The following FTMT variants were observed in gnomAD, a reference collection of about 807,000 sequenced individuals.
FTMT encodes ferritin, mitochondrial.
In FTMT, 5 loss-of-function variants were observed where a neutral mutation model predicts 4.9. That is an observed-to-expected ratio of 1.03 (90% CI 0.54 to 2.16). The LOEUF is 2.16. Among genes scored for constraint, FTMT ranks in the 30% most tolerant of loss-of-function variants. The pLI is 0.01. For missense variants in FTMT, 393 were observed against 323.0 expected (o/e 1.22, Z -1.66); for synonymous variants, 174 against 143.6 (o/e 1.21, Z -1.51).
rs1750056965 is a variant in FTMT, at chr5:121,852,080, C to T, written c.117C>T (p.Asp39=). 2 of 1,588,268 alleles carry T rather than the reference C, an allele frequency of 1.3e-6. No homozygotes were observed. Among genetic ancestry groups the T allele is most frequent in the African/African-American group, 1.3e-5 (1 of 74,088 alleles). Residue 39 remains aspartate, a synonymous_variant, in exon 1 of 1, where the codon GAC becomes GAT. Transcript: ENST00000321339. ...PLRWAPGRPL[D]PRQIAPRRPL... Reference sequence around the variant, plus strand: ...GTTGGGCCCCGGGGCGCCCCTTGGACCCCAGGCAGATCGCCCCCCGCCGCC... The same window carrying T: ...GTTGGGCCCCGGGGCGCCCCTTGGATCCCAGGCAGATCGCCCCCCGCCGCC...
In FTMT at chr5:121,852,208, G is replaced by T; in HGVS notation, c.245G>T (p.Arg82Leu). The change falls in exon 1 of 1, where the codon CGC becomes CTC. Residue 82 changes from arginine to leucine, a missense_variant. By Grantham distance (102) the Arg-to-Leu change is moderately radical. Transcript: ENST00000321339. ...CCCGACTCCGAGGCTGCCATCAACCGCCAGATCAACCTCGAGCTCTATGCG... is the reference window on the plus strand; with the variant it reads ...CCCGACTCCGAGGCTGCCATCAACCTCCAGATCAACCTCGAGCTCTATGCG... Reference protein sequence around the residue: ...FHPDSEAAINRQINLELYASY... With the variant: ...FHPDSEAAINLQINLELYASY... 6.2e-7 allele frequency: 1 copy of T among 1,614,060 alleles called. No individual in the cohort carries two copies. Among genetic ancestry groups the T allele is most frequent in the Non-Finnish European group, 8.5e-7 (1 of 1,179,968 alleles).
Position 121,852,075 on chromosome 5 carries a change from T to G in FTMT, c.112T>G (p.Leu38Val). 1 of 1,589,214 alleles carries G rather than the reference T, an allele frequency of 6.3e-7. No homozygotes were observed. Among genetic ancestry groups the G allele is most frequent in the Non-Finnish European group, 8.5e-7 (1 of 1,173,034 alleles). Residue 38 changes from leucine to valine, a missense_variant, in exon 1 of 1, where the codon TTG becomes GTG. Physicochemically the swap from Leu to Val is conservative, Grantham distance 32 (BLOSUM62 1). Transcript: ENST00000321339. ...LPLRWAPGRP[L>V]DPRQIAPRRP... ...GCTGCGTTGGGCCCCGGGGCGCCCC[T>G]TGGACCCCAGGCAGATCGCCCCCCG...
Position 121,851,927 on chromosome 5 carries a change from C to T in FTMT, c.-37C>T. On this transcript the variant is annotated 5_prime_UTR_variant, in exon 1 of 1. Transcript: ENST00000321339. ...GCGCCCGACCCCACGCCAAGAGGGC[C>T]GGGCCTCAGTTTCCCCACTTCCAAG... The T allele has an allele frequency of 1.9e-6, 3 of 1,544,900 alleles. No homozygotes were observed. Among genetic ancestry groups the T allele is most frequent in the African/African-American group, 1.4e-5 (1 of 70,360 alleles).
Position 121,852,704 on chromosome 5 carries a change from C to T in FTMT, c.*12C>T. ...ACAAGCAGAACTAAGCCACGAGCTG[C>T]CTTCCTCCCAGGCTAGTGGATCCAA... On this transcript the variant is annotated 3_prime_UTR_variant, in exon 1 of 1. Transcript: ENST00000321339. 1 of 1,604,772 alleles carries T rather than the reference C, an allele frequency of 6.2e-7. No individual in the cohort carries two copies. The highest frequency in any genetic ancestry group is 8.5e-7 in the Non-Finnish European group (1 of 1,174,524).
chr5:121,852,100 G>T lies in FTMT; in HGVS notation c.137G>T (p.Arg46Leu). 2 of 1,559,300 alleles carry T rather than the reference G, an allele frequency of 1.3e-6. No homozygotes were observed. The highest frequency in any genetic ancestry group is 8.6e-7 in the Non-Finnish European group (1 of 1,157,468). ...TTGGACCCCAGGCAGATCGCCCCCC[G>T]CCGCCCCCTGGCCGCAGCCGCCTCC... ...RPLDPRQIAP[R>L]RPLAAAASSR... The change falls in exon 1 of 1, where the codon CGC becomes CTC. Residue 46 changes from arginine (R) to leucine (L), a missense_variant. Coordinates refer to ENST00000321339, the MANE Select transcript of FTMT (RefSeq NM_177478.2).
At position 121,852,105 on chromosome 5, in the gene FTMT, C is replaced by T. The variant is rs748280112; in HGVS notation, c.142C>T (p.Pro48Ser). The change falls in exon 1 of 1, where the codon CCC (proline) becomes TCC (serine). Residue 48 changes from proline (P) to serine (S), a missense_variant. Coordinates refer to ENST00000321339, the MANE Select transcript of FTMT (RefSeq NM_177478.2). ...LDPRQIAPRR[P>S]LAAAASSRDP... ...CCCCAGGCAGATCGCCCCCCGCCGC[C>T]CCCTGGCCGCAGCCGCCTCCTCCCG... is the stretch of plus-strand genomic sequence containing the variant. 15 of 1,580,344 alleles carry T rather than the reference C, an allele frequency of 9.5e-6. No individual in the cohort carries two copies. The Admixed American group carries it at 2.2e-4, about 23-fold the overall frequency.
chr5:121,852,033 T>A lies in FTMT; in HGVS notation c.70T>A (p.Cys24Ser), dbSNP rs912157187. 1.3e-6 allele frequency: 2 copies of A among 1,593,658 alleles called. No homozygotes were observed. The highest frequency in any genetic ancestry group is 2.7e-5 in the African/African-American group (2 of 72,870). Residue 24 changes from cysteine to serine, a missense_variant, in exon 1 of 1, where the codon TGC (cysteine) becomes AGC (serine). Transcript: ENST00000321339. ...PSLASLRPVR[C>S]CFALPLRWAP... is the part of the protein sequence containing the mutation. ...GCTGGCGTCTCTGCGCCCGGTGCGCTGCTGCTTCGCGCTCCCGCTGCGTTG... is the reference window on the plus strand; with the variant it reads ...GCTGGCGTCTCTGCGCCCGGTGCGCAGCTGCTTCGCGCTCCCGCTGCGTTG...
Position 121,852,422 on chromosome 5 carries a change from G to C in FTMT, c.459G>C (p.Trp153Cys). The change falls in exon 1 of 1, where the codon TGG becomes TGC. Residue 153 changes from tryptophan (W) to cysteine (C), a missense_variant. Physicochemically the swap from Trp to Cys is radical, Grantham distance 215. Coordinates refer to ENST00000321339, the MANE Select transcript of FTMT (RefSeq NM_177478.2). The stretch of plus-strand genomic sequence containing the variant: ...TCAAGAAGCCGGAACAGGACGACTG[G>C]GAAAGCGGGCTGCATGCCATGGAGT... ...QDIKKPEQDD[W>C]ESGLHAMECA... 1 of 1,614,170 alleles carries C rather than the reference G, an allele frequency of 6.2e-7. No individual in the cohort carries two copies. Among genetic ancestry groups the C allele is most frequent in the Non-Finnish European group, 8.5e-7 (1 of 1,180,024 alleles).
Position 121,851,926 on chromosome 5 carries a change from C to G in FTMT, c.-38C>G. 1.9e-6 allele frequency: 3 copies of G among 1,544,148 alleles called. No homozygotes were observed. The highest frequency in any genetic ancestry group is 2.4e-5 in the South Asian group (2 of 84,982). On this transcript the variant is annotated 5_prime_UTR_variant, in exon 1 of 1. Transcript: ENST00000321339. ...AGCGCCCGACCCCACGCCAAGAGGG[C>G]CGGGCCTCAGTTTCCCCACTTCCAA...
rs1270133886 is a variant in FTMT, at chr5:121,852,332, C to A, written c.369C>A (p.Thr123=). 5.6e-6 allele frequency: 9 copies of A among 1,614,144 alleles called. No individual in the cohort carries two copies. The highest frequency in any genetic ancestry group is 1.7e-5 in the Admixed American group (1 of 60,014). The part of the protein sequence containing the change: ...RYFLHQSREE[T]EHAEKLMRLQ... ...TCCTTCACCAGTCCCGGGAGGAGAC[C>A]GAGCACGCGGAGAAGCTGATGAGGC... Residue 123 remains threonine (T), a synonymous_variant, in exon 1 of 1, where the codon ACC becomes ACA. Transcript: ENST00000321339.
In FTMT at chr5:121,852,287, G is replaced by A; in HGVS notation, c.324G>A (p.Leu108=). 1.2e-6 allele frequency: 2 copies of A among 1,614,160 alleles called. No individual in the cohort carries two copies. The highest frequency in any genetic ancestry group is 1.7e-6 in the Non-Finnish European group (2 of 1,180,030). The change falls in exon 1 of 1, where the codon TTG becomes TTA. Residue 108 remains leucine (L), a synonymous_variant. Transcript: ENST00000321339. Reference sequence around the variant, plus strand: ...ACTTCTCCCGGGATGACGTGGCCTTGAACAACTTCTCCAGGTATTTCCTTC... The same window carrying A: ...ACTTCTCCCGGGATGACGTGGCCTTAAACAACTTCTCCAGGTATTTCCTTC... The part of the protein sequence containing the change: ...AYYFSRDDVA[L]NNFSRYFLHQ...
rs1750061362 is a variant in FTMT at position 121,852,163 on chromosome 5, G to A, written c.200G>A (p.Arg67Gln). The change falls in exon 1 of 1, where the codon CGG (arginine) becomes CAG (glutamine). Residue 67 changes from arginine (R) to glutamine (Q), a missense_variant. By Grantham distance (43) the Arg-to-Gln change is conservative (BLOSUM62 1). Transcript: ENST00000321339. ...DPTGPAAGPS[R>Q]VRQNFHPDSE... ...ACCGGGCCCGCCGCCGGCCCCTCTC[G>A]GGTGCGCCAGAACTTCCACCCCGAC... 6.2e-7 allele frequency: 1 copy of A among 1,611,364 alleles called. No homozygotes were observed. Among genetic ancestry groups the A allele is most frequent in the East Asian group, 2.2e-5 (1 of 44,832 alleles).
In FTMT at chr5:121,852,486, C is replaced by T; in HGVS notation, c.523C>T (p.Leu175=). The T allele has an allele frequency of 6.2e-7, 1 of 1,614,054 alleles. No individual in the cohort carries two copies. The highest frequency in any genetic ancestry group is 8.5e-7 in the Non-Finnish European group (1 of 1,180,030). ...GGAAAAGAACGTGAACCAGTCGTTG[C>T]TGGAATTGCACGCTCTAGCCTCAGA... ...LLEKNVNQSL[L]ELHALASDKG... is the part of the protein sequence containing the mutation. The change falls in exon 1 of 1, where the codon CTG becomes TTG. Residue 175 remains leucine (L), a synonymous_variant. Coordinates refer to ENST00000321339, the MANE Select transcript of FTMT (RefSeq NM_177478.2).
In FTMT at chr5:121,852,491, A is replaced by AT; in HGVS notation, c.530dup (p.Leu177PhefsTer8). Reference sequence around the variant, plus strand: ...AGAACGTGAACCAGTCGTTGCTGGAATTGCACGCTCTAGCCTCAGATAAAG... The same window carrying AT: ...AGAACGTGAACCAGTCGTTGCTGGAATTTGCACGCTCTAGCCTCAGATAAAG... On this transcript the variant is annotated frameshift_variant, in exon 1 of 1. Coordinates refer to ENST00000321339, the MANE Select transcript of FTMT (RefSeq NM_177478.2). LOFTEE classifies it high-confidence loss of function. 2 of 1,614,096 alleles carry AT rather than the reference A, an allele frequency of 1.2e-6. No individual in the cohort carries two copies. The highest frequency in any genetic ancestry group is 8.5e-7 in the Non-Finnish European group (1 of 1,180,022).
Position 121,852,264 on chromosome 5 carries a change from T to C in FTMT, c.301T>C (p.Phe101Leu), listed in dbSNP as rs1257724239. Residue 101 changes from phenylalanine to leucine, a missense_variant, in exon 1 of 1, where the codon TTC becomes CTC. By Grantham distance (22) the Phe-to-Leu change is conservative (BLOSUM62 0). Coordinates refer to ENST00000321339, the MANE Select transcript of FTMT (RefSeq NM_177478.2). ...CGTGTACTTGTCCATGGCCTATTAC[T>C]TCTCCCGGGATGACGTGGCCTTGAA... is the stretch of plus-strand genomic sequence containing the variant. Reference protein sequence around the residue: ...SYVYLSMAYYFSRDDVALNNF... With the variant: ...SYVYLSMAYYLSRDDVALNNF... The C allele has an allele frequency of 1.9e-6, 3 of 1,614,170 alleles. No homozygotes were observed. Among genetic ancestry groups the C allele is most frequent in the Non-Finnish European group, 2.5e-6 (3 of 1,180,030 alleles).
Position 121,851,909 on chromosome 5 carries a change from AC to A in FTMT, c.-51del, listed in dbSNP as rs1750051125. Reference sequence around the variant, plus strand: ...TCAGATCTGACGCCTCCAGCGCCCGACCCCACGCCAAGAGGGCCGGGCCTCA... The same window carrying A: ...TCAGATCTGACGCCTCCAGCGCCCGACCCACGCCAAGAGGGCCGGGCCTCA... On this transcript the variant is annotated 5_prime_UTR_variant, in exon 1 of 1. Transcript: ENST00000321339. The A allele has an allele frequency of 1.3e-6, 2 of 1,514,218 alleles. No homozygotes were observed. The highest frequency in any genetic ancestry group is 8.8e-7 in the Non-Finnish European group (1 of 1,141,500). 93.8% of individuals were successfully genotyped at this position (1,514,218 alleles called of 1,614,324 possible).
At position 121,852,660 on chromosome 5, in the gene FTMT, C is replaced by G; in HGVS notation, c.697C>G (p.His233Asp). The G allele has an allele frequency of 6.2e-7, 1 of 1,613,880 alleles. No individual in the cohort carries two copies. The highest frequency in any genetic ancestry group is 8.5e-7 in the Non-Finnish European group (1 of 1,179,926). Residue 233 changes from histidine to aspartate, a missense_variant, in exon 1 of 1, where the codon CAT becomes GAT. Coordinates refer to ENST00000321339, the MANE Select transcript of FTMT (RefSeq NM_177478.2). The stretch of plus-strand genomic sequence containing the variant: ...CCTGGCGGAGTACCTTTTTGACACA[C>G]ATACCCTTGGAAATGAAAACAAGCA... ...AGLAEYLFDT[H>D]TLGNENKQN
In FTMT at chr5:121,852,539, C is replaced by T; in HGVS notation, c.576C>T (p.Phe192=). 1 of 1,614,096 alleles carries T rather than the reference C, an allele frequency of 6.2e-7. No individual in the cohort carries two copies. The highest frequency in any genetic ancestry group is 8.5e-7 in the Non-Finnish European group (1 of 1,180,030). The stretch of plus-strand genomic sequence containing the variant: ...AAGGTGACCCCCATTTGTGCGATTT[C>T]CTGGAAACCTACTACCTGAATGAGC... ...SDKGDPHLCD[F]LETYYLNEQV... is the part of the protein sequence containing the mutation. The change falls in exon 1 of 1, where the codon TTC becomes TTT. Residue 192 remains phenylalanine, a synonymous_variant. Transcript: ENST00000321339.
At position 121,852,094 on chromosome 5, in the gene FTMT, C is replaced by T. The variant is rs540007588; in HGVS notation, c.131C>T (p.Ala44Val). Residue 44 changes from alanine (A) to valine (V), a missense_variant, in exon 1 of 1, where the codon GCC becomes GTC. By Grantham distance (64) the Ala-to-Val change is moderately conservative. Transcript: ENST00000321339. Reference protein sequence around the residue: ...PGRPLDPRQIAPRRPLAAAAS... With the variant: ...PGRPLDPRQIVPRRPLAAAAS... Reference sequence around the variant, plus strand: ...CGCCCCTTGGACCCCAGGCAGATCGCCCCCCGCCGCCCCCTGGCCGCAGCC... The same window carrying T: ...CGCCCCTTGGACCCCAGGCAGATCGTCCCCCGCCGCCCCCTGGCCGCAGCC... The T allele has an allele frequency of 6.4e-7, 1 of 1,571,274 alleles. No individual in the cohort carries two copies.
Sources: gnomAD v4.1 joint callset for allele counts on GRCh38, gnomAD v4.1.1 for gene constraint, MANE v1.5 for transcripts, NCBI Gene and HGNC (gene_info 2026-07-23, HGNC 2026-07-21) for gene names.